EYA1: variants seen among roughly 807,000 people sequenced by gnomAD.
EYA1 encodes the protein protein phosphatase EYA1.
A neutral mutation model predicts 82.0 loss-of-function variants in EYA1; 16 were observed. That is an observed-to-expected ratio of 0.20 (90% CI 0.13 to 0.30). The LOEUF is 0.30. Among genes scored for constraint, EYA1 ranks in the 10% least tolerant of loss-of-function variants. EYA1 has a pLI of 1.00. For synonymous variants in EYA1, 261 were observed against 264.4 expected, an observed-to-expected ratio of 0.99 and a Z score of 0.12; for missense variants, 633 against 730.7, an observed-to-expected ratio of 0.87 and a Z score of 1.54.
chr8:71,331,700 C>CT (rs1168888989), intron 4 of EYA1, among the ~76,000 whole-genome samples: 1 of 151,964 alleles, frequency 6.6e-6, no homozygotes, highest in Non-Finnish European at 1.5e-5. Flanking sequence ...TCATAACTTG[C>CT]TTTTTCTCTT....
At chr8:71,523,413 C>T (rs1263285611) in intron 2 of EYA1, among the ~76,000 whole-genome samples, 4 of 151,892 alleles carry the variant, frequency 2.6e-5, no homozygotes, top group Non-Finnish European at 4.4e-5. Context: ...CTCCTGACCT[C>T]GTGATCCACC....
intron 2 of EYA1, among the ~76,000 whole-genome samples, chr8:71,384,591 T>C (rs1012583458): frequency 6.6e-6 from 1 of 152,258 alleles, no homozygotes; most frequent in Non-Finnish European, 1.5e-5. Context: ...AACTATGTTC[T>C]GCTTTCACCT....
At chr8:71,491,407 C>T (rs888019814) in intron 2 of EYA1, among the ~76,000 whole-genome samples, 3 of 152,158 alleles carry the variant, frequency 2.0e-5, no homozygotes, top group Non-Finnish European at 1.5e-5. Context: ...GATTGTTAAA[C>T]GCTACACTGT....
chr8:71,503,307 T>C (rs1811951656), intron 2 of EYA1, among the ~76,000 whole-genome samples: 1 of 152,100 alleles, frequency 6.6e-6, no homozygotes, highest in South Asian at 2.1e-4. Context: ...ACCCCGTCTC[T>C]ACTAAAAATA....
intron 17 of EYA1, among the ~76,000 whole-genome samples, chr8:71,205,666 A>G (rs750546501): frequency 2.0e-5 from 3 of 152,244 alleles, no homozygotes; most frequent in Non-Finnish European, 2.9e-5. Context: ...CCCTTGGACT[A>G]CATTGGCAAA....
intron 9 of EYA1, among the ~76,000 whole-genome samples, chr8:71,274,873 A>C (rs964640179): frequency 6.6e-6 from 1 of 152,026 alleles, no homozygotes; most frequent in Non-Finnish European, 1.5e-5. Flanking sequence ...TGGGAGAGAG[A>C]GAGAGAGTGA....
intron 4 of EYA1, among the ~76,000 whole-genome samples, chr8:71,326,915 AC>A (rs1823219900): frequency 6.6e-6 from 1 of 151,784 alleles, no homozygotes; most frequent in Non-Finnish European, 1.5e-5. Flanking sequence ...CATGCCACAA[AC>A]CCCCTGACCC....
intron 6 of EYA1, among the ~76,000 whole-genome samples, chr8:71,319,990 G>T (rs2129029097): frequency 6.6e-6 from 1 of 152,218 alleles, no homozygotes; most frequent in East Asian, 1.9e-4. Context: ...TGGAATCAAA[G>T]CCCTTCACAC....
At position 71,468,230 on chromosome 8, in the gene EYA1, A is replaced by T. The variant is rs185343184; in HGVS notation, c.33+67514T>A. Reference sequence around the variant, plus strand: ...CCCAAGTTCATCCCATTAGGCAAAGAATAACCCCATCAATAGCAGAGATGT... The same window carrying T: ...CCCAAGTTCATCCCATTAGGCAAAGTATAACCCCATCAATAGCAGAGATGT... On this transcript the variant is annotated intron_variant, in intron 2 of 18. Coordinates refer to the EYA1 transcript ENST00000643681. Among the ~76,000 whole-genome samples the T allele has an allele frequency of 1.6e-3, 243 of 152,278 alleles. 3 individuals carry two copies. The highest frequency in any genetic ancestry group is 5.5e-3 in the African/African-American group (230 of 41,582).
At chr8:71,324,997 C>A (rs947389435) in intron 4 of EYA1, among the ~76,000 whole-genome samples, 1 of 152,182 alleles carries the variant, frequency 6.6e-6, no homozygotes, top group African/African-American at 2.4e-5. Flanking sequence ...ACTGTCAACA[C>A]CATGTTCTTT....
At chr8:71,342,418 T>C (rs1825243550) in intron 3 of EYA1, among the ~76,000 whole-genome samples, 1 of 152,166 alleles carries the variant, frequency 6.6e-6, no homozygotes, top group South Asian at 2.1e-4. Flanking sequence ...TCTCCACCTA[T>C]TCAAATTCTA....
intron 2 of EYA1, among the ~76,000 whole-genome samples, chr8:71,515,818 A>G (rs11986146): frequency 0.029 from 4,351 of 152,246 alleles, 217 homozygotes; most frequent in African/African-American, 0.099. Context: ...ACCTTTTGCA[A>G]TTCAAACTTT....
chr8:71,317,699 T>C lies in EYA1; in HGVS notation c.419-10A>G, dbSNP rs371502049. On this transcript the variant is annotated splice_polypyrimidine_tract_variant and intron_variant, in intron 6 of 17. Coordinates refer to ENST00000340726, the MANE Select transcript of EYA1 (RefSeq NM_000503.6). ...CCTGCCCACAATGCACCTAAATCAG[T>C]TAGTGATAGCTTATCTATCTGTCCA... 7.4e-6 allele frequency: 12 copies of C among 1,613,708 alleles called. No individual in the cohort carries two copies. The highest frequency in any genetic ancestry group is 1.3e-5 in the African/African-American group (1 of 74,914).
intron 12 of EYA1, among the ~76,000 whole-genome samples, chr8:71,238,690 A>C (rs971855859): frequency 6.6e-6 from 1 of 152,032 alleles, no homozygotes; most frequent in Non-Finnish European, 1.5e-5. Flanking sequence ...GGCTGTTGTA[A>C]ATTCTAAGAA....
chr8:71,299,605 T>A (rs1165965941), intron 8 of EYA1, 33 bp downstream of exon 8: 1 of 1,181,608 alleles, frequency 8.5e-7, no homozygotes, highest in Non-Finnish European at 1.3e-6. Flanking sequence ...TTTAAAGATA[T>A]TTTTCAGAAG....
rs931672195 is a variant in EYA1, at chr8:71,504,474, A to G, written c.33+31270T>C. On this transcript the variant is annotated intron_variant, in intron 2 of 18. Transcript: ENST00000643681. Reference sequence around the variant, plus strand: ...GTTGATGTATATTTTTACTACTGAAAATCATAGTTAATTTTATATGTATTT... The same window carrying G: ...GTTGATGTATATTTTTACTACTGAAGATCATAGTTAATTTTATATGTATTT... 3.3e-5 allele frequency among the ~76,000 whole-genome samples: 5 copies of G among 152,190 alleles called. No homozygotes were observed. In the East Asian group the frequency reaches 9.6e-4, roughly 29 times the overall value.
At chr8:71,380,356 G>T (rs1828628424) in intron 2 of EYA1, among the ~76,000 whole-genome samples, 1 of 152,154 alleles carries the variant, frequency 6.6e-6, no homozygotes. Context: ...ACTCCACGTA[G>T]CTCATAGTTT....
intron 9 of EYA1, among the ~76,000 whole-genome samples, chr8:71,279,736 C>A (rs1817601977): frequency 6.6e-6 from 1 of 152,184 alleles, no homozygotes; most frequent in African/African-American, 2.4e-5. Flanking sequence ...CTGTGAAAGT[C>A]AAAGGCACTG....
Position 71,317,674 on chromosome 8 carries a change from C to A in EYA1, c.434G>T (p.Gly145Val). The A allele has an allele frequency of 6.2e-7, 1 of 1,614,058 alleles. No individual in the cohort carries two copies. Among genetic ancestry groups the A allele is most frequent in the African/African-American group, 1.3e-5 (1 of 75,026 alleles). The change falls in exon 7 of 18, where the codon GGC becomes GTC. Residue 145 changes from glycine (G) to valine (V), a missense_variant. Physicochemically the swap from Gly to Val is moderately radical, Grantham distance 109 (BLOSUM62 -3). Coordinates refer to ENST00000340726, the MANE Select transcript of EYA1 (RefSeq NM_000503.6). ...GISSYGALWA[G>V]IKTEGGLSQS... ...TGACAATCCACCTTCAGTCTTGATG[C>A]CTGCCCACAATGCACCTAAATCAGT...
Sources: gnomAD v4.1 joint callset for allele counts (sites outside exome capture counted in the v4.1 genomes callset) on GRCh38, gnomAD v4.1.1 for gene constraint, MANE v1.5 for transcripts, NCBI Gene and HGNC (gene_info 2026-07-23, HGNC 2026-07-21) for gene names.